Variants in SRGAP1 observed in about 807,000 individuals in gnomAD.
SRGAP1 encodes SLIT-ROBO Rho GTPase-activating protein 1.
SRGAP1 carries 43 observed loss-of-function variants against 121.9 expected under a neutral mutation model. That is an observed-to-expected ratio of 0.35 (90% confidence interval 0.28 to 0.46). SRGAP1 has a LOEUF of 0.46. Ranked by LOEUF, SRGAP1 falls within the 20% of genes least tolerant of loss-of-function variation. The pLI is 1.00. For missense variants in SRGAP1, 1,102 were observed against 1,350.9 expected, an observed-to-expected ratio of 0.82 and a Z score of 2.89; for synonymous variants, 447 against 485.4, an observed-to-expected ratio of 0.92 and a Z score of 1.04.
At chr12:64,064,401 A>G (rs1319400475) in intron 7 of SRGAP1, among the ~76,000 whole-genome samples, 2 of 152,194 alleles carry the variant, frequency 1.3e-5, no homozygotes, top group African/African-American at 4.8e-5. Flanking sequence ...ATGGCCAAAT[A>G]TCTTCTATCA....
intron 21 of SRGAP1, among the ~76,000 whole-genome samples, chr12:64,141,254 C>A (rs1256286698): frequency 7.3e-6 from 1 of 137,492 alleles, no homozygotes; most frequent in African/African-American, 2.9e-5. Flanking sequence ...CACATGTACC[C>A]TAAAACTTAA....
chr12:64,005,455 A>G (rs1396879025), intron 3 of SRGAP1, among the ~76,000 whole-genome samples: 1 of 152,126 alleles, frequency 6.6e-6, no homozygotes, highest in Non-Finnish European at 1.5e-5. Flanking sequence ...CAGCCTGGGC[A>G]ACATAGCAAG....
chr12:64,058,520 A>G (rs2035385938), intron 6 of SRGAP1, among the ~76,000 whole-genome samples: 1 of 152,178 alleles, frequency 6.6e-6, no homozygotes, highest in South Asian at 2.1e-4. Flanking sequence ...AAAAATATAC[A>G]TATGCCCTTC....
chr12:63,966,347 T>C (rs781458732), intron 1 of SRGAP1, among the ~76,000 whole-genome samples: 6 of 152,190 alleles, frequency 3.9e-5, no homozygotes, highest in Non-Finnish European at 8.8e-5. Flanking sequence ...AACAGGTTAA[T>C]GAGATTGATT....
At chr12:63,938,553 C>T (rs1025308547) in intron 1 of SRGAP1, among the ~76,000 whole-genome samples, 1 of 152,116 alleles carries the variant, frequency 6.6e-6, no homozygotes, top group African/African-American at 2.4e-5. Flanking sequence ...CTTCCCTGTT[C>T]CTCTCTTTTC....
In SRGAP1 at chr12:63,844,907, G is replaced by A. The variant is rs370855657; in HGVS notation, c.67+24G>A. On this transcript the variant is annotated intron_variant, in intron 1 of 21. Coordinates refer to ENST00000355086, the MANE Select transcript of SRGAP1 (RefSeq NM_020762.4). The surrounding 1 kb of genome is among the most constrained non-coding windows in gnomAD (Gnocchi z 4.3). ...AGGTAAGGATGGGAGCGGCTGCCTT[G>A]CTCCTTTTGTGTGCCTTCTTGTCAT... is the stretch of plus-strand genomic sequence containing the variant. 2.5e-6 allele frequency: 4 copies of A among 1,610,240 alleles called. No individual in the cohort carries two copies. Among genetic ancestry groups the A allele is most frequent in the Non-Finnish European group, 3.4e-6 (4 of 1,176,562 alleles).
chr12:64,063,027 T>C lies in SRGAP1; in HGVS notation c.912T>C (p.Asn304=). 1 of 1,614,100 alleles carries C rather than the reference T, an allele frequency of 6.2e-7. No individual in the cohort carries two copies. ...SRHEGLDIIE[N]AVDNLEPRSD... ...ATGAGGGCTTAGACATTATTGAGAA[T>C]GCAGTTGATAATTTAGAGCCCAGGA... is the stretch of plus-strand genomic sequence containing the variant. The change falls in exon 7 of 22, where the codon AAT becomes AAC. Residue 304 remains asparagine, a synonymous_variant. Transcript: ENST00000355086.
chr12:63,939,937 G>C (rs1360545996), intron 1 of SRGAP1, among the ~76,000 whole-genome samples: 1 of 151,948 alleles, frequency 6.6e-6, no homozygotes, highest in Non-Finnish European at 1.5e-5. Context: ...TTGTAGAAAT[G>C]AAACAATCTT....
intron 8 of SRGAP1, among the ~76,000 whole-genome samples, chr12:64,073,486 C>G (rs970662109): frequency 6.6e-6 from 1 of 152,108 alleles, no homozygotes; most frequent in African/African-American, 2.4e-5. Flanking sequence ...CCCTTGGCAT[C>G]CAAGGGGGAT....
chr12:64,082,693 C>T (rs1180206975), intron 10 of SRGAP1, among the ~76,000 whole-genome samples: 2 of 152,178 alleles, frequency 1.3e-5, no homozygotes, highest in South Asian at 4.1e-4. Flanking sequence ...CAGGATCCAC[C>T]CACCTTAGCC....
At chr12:63,944,325 C>T (rs75543866) in intron 1 of SRGAP1, among the ~76,000 whole-genome samples, 15,099 of 152,138 alleles carry the variant, frequency 0.099, 1,044 homozygotes, top group South Asian at 0.19. Context: ...TATATCTCAC[C>T]GTTCTGGAGG....
intron 1 of SRGAP1, among the ~76,000 whole-genome samples, chr12:63,976,530 G>A (rs1176697586): frequency 6.6e-6 from 1 of 152,000 alleles, no homozygotes; most frequent in Admixed American, 6.6e-5. Flanking sequence ...ACTGAGAATG[G>A]GACTCATGAC....
intron 1 of SRGAP1, among the ~76,000 whole-genome samples, chr12:63,899,405 G>GAAAAA (rs564982132): frequency 2.0e-5 from 3 of 151,870 alleles, no homozygotes; most frequent in African/African-American, 4.8e-5. Context: ...GTTGTTAAAA[G>GAAAAA]AAAAACCTTA....
intron 5 of SRGAP1, 127 bp downstream of exon 5, chr12:64,043,099 AAT>A: frequency 1.4e-6 from 1 of 703,522 alleles, no homozygotes; most frequent in Non-Finnish European, 2.4e-6. Context: ...CTCCCATGGG[AAT>A]GAGAAATGTT....
At chr12:63,888,149 C>G (rs1900453873) in intron 1 of SRGAP1, 1 of 152,226 alleles carries the variant, frequency 6.6e-6, no homozygotes, top group Non-Finnish European at 1.5e-5. Context: ...TCTCTTGCTG[C>G]TCATCCACAT....
intron 4 of SRGAP1, among the ~76,000 whole-genome samples, chr12:64,040,473 C>T (rs1325171100): frequency 2.0e-5 from 3 of 152,130 alleles, no homozygotes; most frequent in African/African-American, 4.8e-5. Context: ...GTGCCGAGTT[C>T]GGGTGTGCTC....
At chr12:64,012,005 T>A (rs2034266054) in intron 3 of SRGAP1, among the ~76,000 whole-genome samples, 2 of 151,622 alleles carry the variant, frequency 1.3e-5, no homozygotes, top group Admixed American at 1.3e-4. Flanking sequence ...GAGGCTGAGG[T>A]GGGAGAATCT....
intron 3 of SRGAP1, among the ~76,000 whole-genome samples, chr12:63,998,547 G>C (rs954303250): frequency 1.3e-5 from 2 of 152,072 alleles, no homozygotes; most frequent in African/African-American, 2.4e-5. Context: ...GCACCCATAG[G>C]CACCATGAAA....
chr12:63,910,767 G>A (rs969334717), intron 1 of SRGAP1, among the ~76,000 whole-genome samples: 1 of 152,148 alleles, frequency 6.6e-6, no homozygotes, highest in African/African-American at 2.4e-5. Context: ...ATTCACTACT[G>A]GTGATGGTAA....
Sources: gnomAD v4.1 joint callset for allele counts (sites outside exome capture counted in the v4.1 genomes callset) on GRCh38, gnomAD v4.1.1 for gene constraint, Gnocchi (gnomAD v3.1) non-coding constraint, MANE v1.5 for transcripts, NCBI Gene and HGNC (gene_info 2026-07-23, HGNC 2026-07-21) for gene names.